The following RNASEH2B variants were observed in gnomAD, a reference collection of about 807,000 sequenced individuals.
The protein encoded by RNASEH2B is ribonuclease H2 subunit B.
RNASEH2B carries 36 observed loss-of-function variants against 45.0 expected under a neutral mutation model. The ratio of observed to expected loss-of-function variants is 0.80; its 90% CI spans 0.61 to 1.06. RNASEH2B has a LOEUF of 1.06. RNASEH2B is among the 50% of genes least tolerant of loss of function. RNASEH2B has a pLI of 0.00. For synonymous variants in RNASEH2B, 119 were observed against 125.7 expected (o/e 0.95, Z 0.35); for missense variants, 361 against 360.3 (o/e 1.00, Z -0.02).
At chr13:50,949,597 G>T in intron 9 of RNASEH2B, 92 bp downstream of exon 9, 1 of 1,197,238 alleles carries the variant, frequency 8.4e-7, no homozygotes, top group Non-Finnish European at 1.2e-6. Flanking sequence ...ATATTTTAAG[G>T]TGTACTAAAT....
chr13:50,943,239 A>T (rs1373860222), intron 5 of RNASEH2B, 82 bp from the exon 6 acceptor site: 3 of 810,364 alleles, frequency 3.7e-6, no homozygotes, highest in Non-Finnish European at 6.3e-6. Flanking sequence ...ATATTCTTTA[A>T]ATGGTTAACT....
intron 1 of RNASEH2B, among the ~76,000 whole-genome samples, chr13:50,920,009 G>GTT (rs1951497547): frequency 1.4e-5 from 1 of 73,080 alleles, no homozygotes; most frequent in East Asian, 2.8e-4. Context: ...TGTTGAGGGT[G>GTT]TTTTGTTTTG....
chr13:50,960,115 T>C, downstream of RNASEH2B: 3 of 1,056,556 alleles, frequency 2.8e-6, no homozygotes, highest in Non-Finnish European at 3.6e-6. Context: ...GATATTTTCA[T>C]TGCTATTAAT....
chr13:50,922,428 T>C (rs1951537463), intron 1 of RNASEH2B, among the ~76,000 whole-genome samples: 1 of 152,148 alleles, frequency 6.6e-6, no homozygotes, highest in Non-Finnish European at 1.5e-5. Flanking sequence ...AAATACAAGC[T>C]AAGGCAGAAG....
chr13:50,940,966 T>A (rs1216503382), intron 5 of RNASEH2B: 3 of 146,640 alleles, frequency 2.0e-5, no homozygotes, highest in Non-Finnish European at 4.7e-5. Context: ...TCTTGCCTAC[T>A]TCCTCAGTGA....
At chr13:50,944,594 A>G (rs1010494887) in intron 6 of RNASEH2B, among the ~76,000 whole-genome samples, 4 of 152,192 alleles carry the variant, frequency 2.6e-5, no homozygotes, top group Admixed American at 2.6e-4. Context: ...TGTTCTGCAC[A>G]TGTATCCCAG....
chr13:50,919,943 G>T (rs1189485749), intron 1 of RNASEH2B, among the ~76,000 whole-genome samples: 1 of 152,134 alleles, frequency 6.6e-6, no homozygotes, highest in African/African-American at 2.4e-5. Flanking sequence ...TTTGTCACTG[G>T]TATGTTTTCT....
intron 9 of RNASEH2B, among the ~76,000 whole-genome samples, chr13:50,965,252 A>G (rs1245536864): frequency 2.0e-5 from 3 of 152,226 alleles, no homozygotes; most frequent in Admixed American, 2.0e-4. Flanking sequence ...CAGTACACTA[A>G]CATGCTATAC....
chr13:50,944,655 T>G (rs1306989288), intron 6 of RNASEH2B, among the ~76,000 whole-genome samples: 1 of 151,836 alleles, frequency 6.6e-6, no homozygotes, highest in Non-Finnish European at 1.5e-5. Flanking sequence ...ATAAATAAAT[T>G]GTGTTTATTT....
intron 1 of RNASEH2B, among the ~76,000 whole-genome samples, chr13:50,922,201 G>T (rs1371242075): frequency 6.6e-6 from 1 of 152,158 alleles, no homozygotes; most frequent in African/African-American, 2.4e-5. Context: ...CTTCTGAGGG[G>T]TCAATACCAG....
At chr13:50,943,159 A>G (rs1054451672) in intron 5 of RNASEH2B, 162 bp from the exon 6 acceptor site, 1 of 606,090 alleles carries the variant, frequency 1.6e-6, no homozygotes, top group East Asian at 2.8e-5. Context: ...TACTACTAAC[A>G]TTTAAAAAAA....
chr13:50,927,521 G>A (rs777747351), intron 2 of RNASEH2B, 43 bp downstream of exon 2: 2 of 1,229,398 alleles, frequency 1.6e-6, no homozygotes, highest in South Asian at 2.4e-5. Flanking sequence ...AAATGTTGTG[G>A]CTAATGAGTA....
intron 1 of RNASEH2B, among the ~76,000 whole-genome samples, chr13:50,921,828 G>A (rs1951527468): frequency 6.6e-6 from 1 of 152,156 alleles, no homozygotes; most frequent in Admixed American, 6.5e-5. Context: ...AAAATCTTCT[G>A]AATCTTATTA....
chr13:50,956,450 TAAAA>T lies in RNASEH2B; in HGVS notation c.922_925del (p.Lys308LeufsTer26), dbSNP rs75254367. On this transcript the variant is annotated frameshift_variant, in exon 11 of 11. Transcript: ENST00000336617. LOFTEE classifies it high-confidence loss of function. The stretch of plus-strand genomic sequence containing the variant: ...TTGATACCTTTTTTGGGGTAAAAAA[TAAAA>T]AAAAAATTGGAAAGGTTTGAAACTT... The T allele has an allele frequency of 2.7e-6, 4 of 1,461,236 alleles. No homozygotes were observed. The highest frequency in any genetic ancestry group is 3.7e-6 in the Non-Finnish European group (4 of 1,067,300). The allele number at this position is 1,461,236 out of a possible 1,614,324, so 90.5% of individuals were successfully genotyped here.
At position 50,945,480 on chromosome 13, in the gene RNASEH2B, G is replaced by C. The variant is rs141367253; in HGVS notation, c.564G>C (p.Arg188=). The change falls in exon 7 of 11, where the codon CGG becomes CGC. Residue 188 remains arginine, a synonymous_variant. Transcript: ENST00000336617. Reference sequence around the variant, plus strand: ...CCAATAATGTGAATGTCAGTTCCCGGGTACAGTCAACTGCATTTTTCTCTG... The same window carrying C: ...CCAATAATGTGAATGTCAGTTCCCGCGTACAGTCAACTGCATTTTTCTCTG... ...LKTNNVNVSS[R]VQSTAFFSGD... is the part of the protein sequence containing the mutation. 33 of 1,613,794 alleles carry C rather than the reference G, an allele frequency of 2.0e-5. No individual in the cohort carries two copies. In the African/African-American group the frequency reaches 3.5e-4, roughly 17 times the overall value.
At chr13:50,953,805 C>G (rs1403264094) in intron 9 of RNASEH2B, 100 bp from the exon 10 acceptor site, 7 of 790,868 alleles carry the variant, frequency 8.9e-6, no homozygotes, top group Non-Finnish European at 1.5e-5. Flanking sequence ...TCCCATTCGC[C>G]TCTGTAGAGG....
chr13:50,924,870 T>A (rs967863544), intron 1 of RNASEH2B, among the ~76,000 whole-genome samples: 1 of 152,202 alleles, frequency 6.6e-6, no homozygotes, highest in Admixed American at 6.5e-5. Flanking sequence ...AATTACTGAT[T>A]TCAAAGTATT....
intron 1 of RNASEH2B, among the ~76,000 whole-genome samples, chr13:50,915,871 G>A (rs533470667): frequency 2.0e-5 from 3 of 152,332 alleles, no homozygotes; most frequent in South Asian, 2.1e-4. Context: ...TTACTCCTCC[G>A]AGGGCCTAGG....
At chr13:50,949,630 A>C (rs1489912435) in intron 9 of RNASEH2B, 125 bp downstream of exon 9, 1 of 831,980 alleles carries the variant, frequency 1.2e-6, no homozygotes, top group African/African-American at 1.7e-5. Flanking sequence ...GAGTGATGCC[A>C]TGTGGAATAA....
Sources: gnomAD v4.1 joint callset for allele counts (sites outside exome capture counted in the v4.1 genomes callset) on GRCh38, gnomAD v4.1.1 for gene constraint, MANE v1.5 for transcripts, NCBI Gene and HGNC (gene_info 2026-07-23, HGNC 2026-07-21) for gene names.